SLC39A10: variants seen among roughly 807,000 people sequenced by gnomAD.
SLC39A10 encodes the protein zinc transporter ZIP10.
SLC39A10 carries 13 observed loss-of-function variants against 65.1 expected under a neutral mutation model. The observed-to-expected ratio is 0.20, with a 90% CI of 0.13 to 0.32. SLC39A10 has a LOEUF of 0.32. SLC39A10 is among the 10% of genes least tolerant of loss of function. The probability of loss-of-function intolerance (pLI) is 1.00; values close to 1 mark genes in which losing one functional copy is unlikely to be tolerated. For synonymous variants in SLC39A10, 321 were observed against 342.2 expected (o/e 0.94, Z 0.68); for missense variants, 831 against 1,018.4 (o/e 0.82, Z 2.50).
At chr2:195,626,813 C>T (rs555939548) in intron 2 of SLC39A10, among the ~76,000 whole-genome samples, 9 of 152,120 alleles carry the variant, frequency 5.9e-5, no homozygotes, top group Admixed American at 3.3e-4. Context: ...GTAATTTTCC[C>T]GAGCAAATTT....
At chr2:195,652,935 G>A (rs1212541031), upstream of SLC39A10, among the ~76,000 whole-genome samples, 1 of 152,160 alleles carries the variant, frequency 6.6e-6, no homozygotes, top group African/African-American at 2.4e-5. Context: ...TGTATGTGAG[G>A]GATCTAGGTT....
intron 2 of SLC39A10, among the ~76,000 whole-genome samples, chr2:195,637,243 C>T (rs773506606): frequency 1.3e-5 from 2 of 152,196 alleles, no homozygotes; most frequent in Non-Finnish European, 2.9e-5. Flanking sequence ...TAGGGGAAAG[C>T]TTTCTCCATA....
In SLC39A10 at chr2:195,668,056, C is replaced by T. The variant is rs563434591; in HGVS notation, c.-12+10775C>T. Among the ~76,000 whole-genome samples the T allele has an allele frequency of 1.0e-3, 152 of 152,262 alleles. 1 individual carries two copies. Among genetic ancestry groups the T allele is most frequent in the African/African-American group, 3.6e-3 (150 of 41,560 alleles). On this transcript the variant is annotated intron_variant, in intron 1 of 9. Coordinates refer to ENST00000359634, the MANE Select transcript of SLC39A10 (RefSeq NM_020342.3). Reference sequence around the variant, plus strand: ...TCAAGGACTCATAGCTAATAAATGGCAGAGTCAGATCTCTAACATCTTTGA... The same window carrying T: ...TCAAGGACTCATAGCTAATAAATGGTAGAGTCAGATCTCTAACATCTTTGA...
At chr2:195,706,469 T>C in intron 3 of SLC39A10, 147 bp from the exon 4 acceptor site, 1 of 682,352 alleles carries the variant, frequency 1.5e-6, no homozygotes, top group South Asian at 2.6e-5. Context: ...ATTTTTGTTT[T>C]GTTTTTAAAC....
chr2:195,735,119 T>C lies in SLC39A10; in HGVS notation c.*78T>C. 1 of 1,421,472 alleles carries C rather than the reference T, an allele frequency of 7.0e-7. No individual in the cohort carries two copies. Among genetic ancestry groups the C allele is most frequent in the Non-Finnish European group, 9.4e-7 (1 of 1,066,894 alleles). The allele number at this position is 1,421,472 out of a possible 1,614,324, so 88.1% of individuals were successfully genotyped here. The stretch of plus-strand genomic sequence containing the variant: ...TCTGTTCCTTGTACTGTATGCACAT[T>C]GCTCAAAGGAAAGTCAGTGGCTTGC... On this transcript the variant is annotated 3_prime_UTR_variant, in exon 10 of 10. Coordinates refer to ENST00000359634, the MANE Select transcript of SLC39A10 (RefSeq NM_020342.3).
intron 3 of SLC39A10, among the ~76,000 whole-genome samples, chr2:195,688,777 ATAAT>A (rs913661610): frequency 1.4e-4 from 22 of 152,192 alleles, no homozygotes; most frequent in African/African-American, 4.1e-4. Flanking sequence ...TGCAAAATAA[ATAAT>A]TAACCTTACT....
At chr2:195,730,255 G>T (rs1422085459) in intron 9 of SLC39A10, among the ~76,000 whole-genome samples, 1 of 151,924 alleles carries the variant, frequency 6.6e-6, no homozygotes, top group African/African-American at 2.4e-5. Flanking sequence ...CATTTTTCTT[G>T]TCATAACAGC....
At chr2:195,683,535 C>A (rs1474368659) in intron 2 of SLC39A10, among the ~76,000 whole-genome samples, 164 bp from the exon 3 acceptor site, 2 of 151,686 alleles carry the variant, frequency 1.3e-5, no homozygotes, top group African/African-American at 4.8e-5. Flanking sequence ...TGAGTGTATC[C>A]CTATTACAAA....
At chr2:195,627,772 T>C (rs1288074154) in intron 2 of SLC39A10, among the ~76,000 whole-genome samples, 4 of 152,200 alleles carry the variant, frequency 2.6e-5, no homozygotes, top group East Asian at 1.9e-4. Context: ...AGGAGCTGCA[T>C]TGAGAATCTC....
intron 1 of SLC39A10, among the ~76,000 whole-genome samples, chr2:195,672,729 T>C (rs1462133991): frequency 6.6e-6 from 1 of 152,222 alleles, no homozygotes; most frequent in Non-Finnish European, 1.5e-5. Flanking sequence ...CATTTGATGA[T>C]GTCTGATCAA....
intron 1 of SLC39A10, among the ~76,000 whole-genome samples, chr2:195,677,410 G>A (rs753011797): frequency 6.6e-6 from 1 of 152,064 alleles, no homozygotes; most frequent in Non-Finnish European, 1.5e-5. Context: ...TGAGCGTGGT[G>A]GCACACACAG....
intron 6 of SLC39A10, 41 bp downstream of exon 6, chr2:195,713,594 T>G: frequency 6.5e-7 from 1 of 1,542,422 alleles, no homozygotes; most frequent in Non-Finnish European, 8.7e-7. Context: ...TTTTTCTTTT[T>G]TTTTTTTCAT....
intron 3 of SLC39A10, among the ~76,000 whole-genome samples, chr2:195,706,041 G>GA (rs1304211442): frequency 2.0e-5 from 3 of 151,592 alleles, no homozygotes; most frequent in East Asian, 1.9e-4. Flanking sequence ...CAGGTGTGGA[G>GA]AAAAAAAATC....
At chr2:195,634,443 A>G (rs560291054) in intron 2 of SLC39A10, among the ~76,000 whole-genome samples, 30 of 152,182 alleles carry the variant, frequency 2.0e-4, no homozygotes, top group African/African-American at 6.5e-4. Flanking sequence ...CATATAAGCC[A>G]CCTGTTTTAG....
At chr2:195,707,140 C>T (rs1434766772) in intron 4 of SLC39A10, among the ~76,000 whole-genome samples, 2 of 152,138 alleles carry the variant, frequency 1.3e-5, no homozygotes, top group Admixed American at 6.5e-5. Context: ...GGTATGCCAT[C>T]AGCATCTTTG....
At chr2:195,626,642 A>C (rs901714372) in intron 2 of SLC39A10, among the ~76,000 whole-genome samples, 1 of 152,226 alleles carries the variant, frequency 6.6e-6, no homozygotes, top group Non-Finnish European at 1.5e-5. Flanking sequence ...TGAAAGTAGA[A>C]GAGCTTCATT....
chr2:195,636,620 G>A (rs1688701976), intron 2 of SLC39A10, among the ~76,000 whole-genome samples: 1 of 152,158 alleles, frequency 6.6e-6, no homozygotes, highest in Non-Finnish European at 1.5e-5. Flanking sequence ...GGGCGTGGTG[G>A]CGGGTGCCTG....
chr2:195,657,002 GT>G (rs1559017919), upstream of SLC39A10: 1 of 152,288 alleles, frequency 6.6e-6, no homozygotes. Context: ...GACGATCCAT[GT>G]GGAATCCGTG....
chr2:195,704,901 G>A (rs999243912), intron 3 of SLC39A10, among the ~76,000 whole-genome samples: 5 of 152,042 alleles, frequency 3.3e-5, no homozygotes, highest in Admixed American at 6.6e-5. Context: ...AAGCTCAAGC[G>A]ATCGTTCCAC....
Sources: gnomAD v4.1 joint callset for allele counts (sites outside exome capture counted in the v4.1 genomes callset) on GRCh38, gnomAD v4.1.1 for gene constraint, MANE v1.5 for transcripts, NCBI Gene and HGNC (gene_info 2026-07-23, HGNC 2026-07-21) for gene names.